The following ADGRG7 variants were observed in gnomAD, a reference collection of about 807,000 sequenced individuals.
ADGRG7 encodes the protein G-protein coupled receptor 128.
In ADGRG7, 82 loss-of-function variants were observed where a neutral mutation model predicts 88.6. That is an observed-to-expected ratio of 0.93 (90% CI 0.77 to 1.11). The LOEUF is 1.11. Among genes scored for constraint, ADGRG7 ranks in the 50% most tolerant of loss-of-function variants. ADGRG7 has a pLI of 0.00. For synonymous variants in ADGRG7, 381 were observed against 345.2 expected (o/e 1.10, Z -1.15); for missense variants, 945 against 953.4 (o/e 0.99, Z 0.12).
At chr3:100,685,658 A>T (rs1257514649) in intron 15 of ADGRG7, among the ~76,000 whole-genome samples, 56 of 152,056 alleles carry the variant, frequency 3.7e-4, no homozygotes, top group African/African-American at 1.4e-3. Context: ...GTTTGCTGAG[A>T]ATGATGGTTT....
At chr3:100,613,587 A>G (rs1707186453) in intron 1 of ADGRG7, among the ~76,000 whole-genome samples, 1 of 152,056 alleles carries the variant, frequency 6.6e-6, no homozygotes, top group East Asian at 1.9e-4. Context: ...AAATAAATTT[A>G]TTCCAGTTTG....
chr3:100,631,504 T>G (rs569248362), intron 3 of ADGRG7, among the ~76,000 whole-genome samples: 98 of 152,288 alleles, frequency 6.4e-4, no homozygotes, highest in South Asian at 1.2e-3. Context: ...TAATTTCCAC[T>G]AATGTTTTAC....
intron 1 of ADGRG7, among the ~76,000 whole-genome samples, chr3:100,620,293 A>G (rs1576312200): frequency 6.6e-6 from 1 of 152,348 alleles, no homozygotes; most frequent in East Asian, 1.9e-4. Flanking sequence ...TATAAACAGA[A>G]CCAATGACAA....
At chr3:100,620,663 G>A (rs1398979408) in intron 1 of ADGRG7, among the ~76,000 whole-genome samples, 2 of 152,204 alleles carry the variant, frequency 1.3e-5, no homozygotes, top group Admixed American at 6.5e-5. Context: ...GACAATCACA[G>A]TGAGAGAAAA....
At position 100,669,042 on chromosome 3, in the gene ADGRG7, AGTTAATGATGATAG is replaced by A; in HGVS notation, c.2074_2087del (p.Val692HisfsTer27). 1 of 1,605,730 alleles carries A rather than the reference AGTTAATGATGATAG, an allele frequency of 6.2e-7. No homozygotes were observed. Among genetic ancestry groups the A allele is most frequent in the Non-Finnish European group, 8.5e-7 (1 of 1,176,262 alleles). On this transcript the variant is annotated frameshift_variant, in exon 15 of 16. Coordinates refer to ENST00000273352, the MANE Select transcript of ADGRG7 (RefSeq NM_032787.3). LOFTEE classifies it high-confidence loss of function. The stretch of plus-strand genomic sequence containing the variant: ...CCTGGATTCTAGCATACCTGATGCT[AGTTAATGATGATAG>A]CATCAGGATCGTCTTCAGCTACATA...
At chr3:100,628,212 C>T (rs1235734390) in intron 1 of ADGRG7, among the ~76,000 whole-genome samples, 1 of 152,010 alleles carries the variant, frequency 6.6e-6, no homozygotes, top group Non-Finnish European at 1.5e-5. Context: ...CTTCGAATAC[C>T]TTTCAGTTTC....
At chr3:100,678,013 A>G (rs1448098871) in intron 15 of ADGRG7, among the ~76,000 whole-genome samples, 4 of 152,096 alleles carry the variant, frequency 2.6e-5, no homozygotes, top group Non-Finnish European at 5.9e-5. Context: ...TAAACTTTCT[A>G]CACTGACCTC....
At chr3:100,650,004 C>T (rs1296851946) in intron 11 of ADGRG7, among the ~76,000 whole-genome samples, 197 bp downstream of exon 11, 1 of 152,102 alleles carries the variant, frequency 6.6e-6, no homozygotes, top group Non-Finnish European at 1.5e-5. Context: ...GTGGCAAGTG[C>T]CTTGAAAGAA....
intron 1 of ADGRG7, among the ~76,000 whole-genome samples, chr3:100,612,417 C>G (rs1427476545): frequency 1.3e-5 from 2 of 152,164 alleles, no homozygotes; most frequent in East Asian, 1.9e-4. Flanking sequence ...AGAACTCCAG[C>G]CTTTTCACAT....
intron 10 of ADGRG7, among the ~76,000 whole-genome samples, chr3:100,649,331 A>T (rs978943084): frequency 6.6e-6 from 1 of 152,222 alleles, no homozygotes; most frequent in Non-Finnish European, 1.5e-5. Context: ...AAACTGGTAT[A>T]TGCAGGTCAG....
intron 1 of ADGRG7, among the ~76,000 whole-genome samples, chr3:100,620,398 G>A (rs1399465301): frequency 1.3e-5 from 2 of 152,098 alleles, no homozygotes; most frequent in African/African-American, 4.8e-5. Flanking sequence ...AGGTATCGAT[G>A]GGACGTATCT....
intron 15 of ADGRG7, among the ~76,000 whole-genome samples, chr3:100,687,885 GTCTCATAAAATGA>G (rs2094985808): frequency 6.6e-6 from 1 of 152,180 alleles, no homozygotes; most frequent in Admixed American, 6.5e-5. Context: ...GATGATGCTG[GTCTCATAAAATGA>G]GTTAGGGAGG....
rs187085538 is a variant in ADGRG7 at position 100,611,893 on chromosome 3, A to G, written c.115+1922A>G. 3.9e-5 allele frequency among the ~76,000 whole-genome samples: 6 copies of G among 152,296 alleles called. No individual in the cohort carries two copies. The East Asian group carries it at 9.6e-4, about 24-fold the overall frequency. On this transcript the variant is annotated intron_variant, in intron 1 of 15. Transcript: ENST00000273352. ...ACTCTACTCCACTTCTTTTTATCCT[A>G]TCCCATCCCATCCTATGTAATTGTT...
At chr3:100,629,776 A>T in intron 2 of ADGRG7, 65 bp downstream of exon 2, 1 of 1,064,594 alleles carries the variant, frequency 9.4e-7, no homozygotes, top group Non-Finnish European at 1.4e-6. Context: ...TAAGAATAGC[A>T]ATAAAGCTTC....
At chr3:100,674,893 G>C (rs191889182) in intron 15 of ADGRG7, among the ~76,000 whole-genome samples, 3 of 152,128 alleles carry the variant, frequency 2.0e-5, no homozygotes, top group Non-Finnish European at 4.4e-5. Context: ...TTCTTTTTCA[G>C]GTTGTTTGAT....
chr3:100,690,319 A>G (rs1255046777), intron 15 of ADGRG7, among the ~76,000 whole-genome samples: 1 of 151,232 alleles, frequency 6.6e-6, no homozygotes, highest in Non-Finnish European at 1.5e-5. Context: ...ATGGGTTCGA[A>G]CTTCCTCCTT....
chr3:100,672,985 C>T (rs983084460), intron 15 of ADGRG7, among the ~76,000 whole-genome samples: 3 of 151,990 alleles, frequency 2.0e-5, no homozygotes, highest in Non-Finnish European at 4.4e-5. Flanking sequence ...ATTTTCACAT[C>T]GATGTTCATC....
At chr3:100,675,258 G>T (rs995252652) in intron 15 of ADGRG7, among the ~76,000 whole-genome samples, 4 of 152,070 alleles carry the variant, frequency 2.6e-5, no homozygotes, top group African/African-American at 7.2e-5. Flanking sequence ...TTATTGTGTT[G>T]AAGTATGTTC....
chr3:100,611,248 C>T (rs866960696), intron 1 of ADGRG7, among the ~76,000 whole-genome samples: 2 of 95,996 alleles, frequency 2.1e-5, no homozygotes, highest in African/African-American at 5.0e-5. Flanking sequence ...TTTGTTTTTC[C>T]TTCCTTCCTT....
Sources: gnomAD v4.1 joint callset for allele counts (sites outside exome capture counted in the v4.1 genomes callset) on GRCh38, gnomAD v4.1.1 for gene constraint, MANE v1.5 for transcripts, NCBI Gene and HGNC (gene_info 2026-07-23, HGNC 2026-07-21) for gene names.